Variants in FAM184A observed in about 807,000 individuals in gnomAD.
FAM184A encodes the protein family with sequence similarity 184 member A, also known as protein FAM184A.
In FAM184A, 99 loss-of-function variants were observed where a neutral mutation model predicts 143.8. The ratio of observed to expected loss-of-function variants is 0.69; its 90% CI spans 0.58 to 0.81. The LOEUF is 0.81. Ranked by LOEUF, FAM184A falls within the 40% of genes least tolerant of loss-of-function variation. FAM184A has a pLI of 0.00. For missense variants in FAM184A, 1,217 were observed against 1,310.5 expected (o/e 0.93, Z 1.10); for synonymous variants, 427 against 446.4 (o/e 0.96, Z 0.55).
intron 5 of FAM184A, 133 bp downstream of exon 5, chr6:119,016,614 C>G: frequency 1.4e-6 from 1 of 707,740 alleles, no homozygotes. Context: ...ACCTTAAGAG[C>G]TGTAACACTC....
At chr6:119,118,062 C>T (rs1053216262) in intron 1 of FAM184A, among the ~76,000 whole-genome samples, 4 of 152,190 alleles carry the variant, frequency 2.6e-5, no homozygotes, top group Non-Finnish European at 5.9e-5. Context: ...TTCTGGATTG[C>T]TGTATATGGC....
rs981312637 is a variant in FAM184A, at chr6:119,017,280, C to T, written c.1333-336G>A. Among the ~76,000 whole-genome samples, 8 of 152,088 alleles carry T rather than the reference C, an allele frequency of 5.3e-5. No homozygotes were observed. In the East Asian group the frequency reaches 1.3e-3, roughly 26 times the overall value. On this transcript the variant is annotated intron_variant, in intron 4 of 17. Transcript: ENST00000338891. ...TTGGGAGGCCGAGGCGGGTGGATCA[C>T]GAGGTCAGGAGATCAAGACCATCCT... is the stretch of plus-strand genomic sequence containing the variant.
chr6:118,961,631 T>C (rs1212713667), intron 17 of FAM184A, 130 bp downstream of exon 17: 2 of 810,814 alleles, frequency 2.5e-6, no homozygotes, highest in East Asian at 2.5e-5. Context: ...GGGATAAATA[T>C]ACTTTGAAGA....
At chr6:119,001,679 G>A (rs1056694623) in intron 9 of FAM184A, among the ~76,000 whole-genome samples, 1 of 152,054 alleles carries the variant, frequency 6.6e-6, no homozygotes, top group African/African-American at 2.4e-5. Context: ...GAAGCGGTGG[G>A]CCACTTTACA....
chr6:119,008,839 C>T (rs2114653738), intron 6 of FAM184A, among the ~76,000 whole-genome samples: 1 of 152,330 alleles, frequency 6.6e-6, no homozygotes, highest in East Asian at 1.9e-4. Context: ...CATATTTATA[C>T]TTATCATCTT....
rs371458905 is a variant in FAM184A, at chr6:119,037,545, C to G, written c.160-12732G>C. ...AACCAATACAAACACCATCAATATT[C>G]TTGAATGAGATGGCAACACCAAAAC... On this transcript the variant is annotated intron_variant, in intron 1 of 17. Coordinates refer to ENST00000338891, the MANE Select transcript of FAM184A (RefSeq NM_024581.6). 1.2e-4 allele frequency among the ~76,000 whole-genome samples: 18 copies of G among 152,214 alleles called. No individual in the cohort carries two copies. In the South Asian group the frequency reaches 1.5e-3, roughly 12 times the overall value.
intron 1 of FAM184A, among the ~76,000 whole-genome samples, chr6:119,122,035 C>T (rs1461175318): frequency 6.6e-6 from 1 of 152,194 alleles, no homozygotes; most frequent in African/African-American, 2.4e-5. Context: ...TCCCAAAGTG[C>T]TGGGATTACA....
intron 9 of FAM184A, among the ~76,000 whole-genome samples, chr6:118,985,920 A>G (rs1183065853): frequency 6.6e-6 from 1 of 152,214 alleles, no homozygotes; most frequent in African/African-American, 2.4e-5. Context: ...AAATGTTTAA[A>G]GGTGCTCAAA....
chr6:118,999,770 C>T (rs1183032344), intron 9 of FAM184A, among the ~76,000 whole-genome samples: 1 of 152,152 alleles, frequency 6.6e-6, no homozygotes, highest in Admixed American at 6.5e-5. Context: ...ATGCAACTAC[C>T]ACAGGAGACT....
chr6:119,028,516 G>C (rs914994628), intron 1 of FAM184A, among the ~76,000 whole-genome samples: 14 of 152,094 alleles, frequency 9.2e-5, no homozygotes, highest in African/African-American at 3.1e-4. Context: ...AATCAACCAT[G>C]CCTACACAGC....
At chr6:119,074,353 C>CA (rs1168058598) in intron 1 of FAM184A, among the ~76,000 whole-genome samples, 17 of 152,162 alleles carry the variant, frequency 1.1e-4, no homozygotes, top group African/African-American at 4.1e-4. Context: ...TTGCAAGAGA[C>CA]AGAGCAAGAG....
Position 119,011,367 on chromosome 6 carries a change from T to G in FAM184A, c.1595A>C (p.Gln532Pro), listed in dbSNP as rs776784092. ...NLEEDKNQLQ[Q>P]ELENLKEVLE... ...TACTTCCTTTAGGTTTTCTAGCTCT[T>G]GTTGAAGCTGATTTTTATCCTCTTC... Residue 532 changes from glutamine (Q) to proline (P), a missense_variant, in exon 6 of 18, where the codon CAA becomes CCA. Coordinates refer to ENST00000338891, the MANE Select transcript of FAM184A (RefSeq NM_024581.6). The G allele has an allele frequency of 6.3e-7, 1 of 1,597,488 alleles. No individual in the cohort carries two copies. The highest frequency in any genetic ancestry group is 8.5e-7 in the Non-Finnish European group (1 of 1,170,744).
At chr6:118,985,400 C>A (rs1582467051) in intron 9 of FAM184A, among the ~76,000 whole-genome samples, 1 of 152,316 alleles carries the variant, frequency 6.6e-6, no homozygotes, top group East Asian at 1.9e-4. Context: ...ACACACTCAA[C>A]TTTATATATC....
chr6:119,129,045 C>G (rs1332089138), intron 1 of FAM184A, among the ~76,000 whole-genome samples: 3 of 152,204 alleles, frequency 2.0e-5, no homozygotes, highest in Admixed American at 1.3e-4. Flanking sequence ...TTAAACTCTT[C>G]AGGCAAAACT....
At chr6:119,093,738 G>A (rs567793853) in intron 1 of FAM184A, among the ~76,000 whole-genome samples, 1 of 152,242 alleles carries the variant, frequency 6.6e-6, no homozygotes, top group South Asian at 2.1e-4. Context: ...GCAGGAGACT[G>A]GTTTCTGTAA....
At chr6:119,069,726 A>T (rs1787611207) in intron 1 of FAM184A, among the ~76,000 whole-genome samples, 1 of 152,190 alleles carries the variant, frequency 6.6e-6, no homozygotes, top group Non-Finnish European at 1.5e-5. Context: ...GAAGAACTCC[A>T]GTGTGATATA....
intron 1 of FAM184A, among the ~76,000 whole-genome samples, chr6:119,107,290 GA>G (rs966107327): frequency 2.7e-4 from 41 of 151,418 alleles, no homozygotes; most frequent in African/African-American, 9.7e-4. Context: ...ATGTTATTCT[GA>G]AAAAAAAGAC....
At chr6:119,122,924 GAAAAAAAAAAAAAAAAAAAAAAA>G (rs766414096) in intron 1 of FAM184A, among the ~76,000 whole-genome samples, 1,593 of 29,000 alleles carry the variant, frequency 0.055, 102 homozygotes, top group African/African-American at 0.2. Context: ...GACCCTGTCT[GAAAAAAAAAAAAAAAAAAAAAAA>G]AAAAAAAAAA....
Position 119,134,234 on chromosome 6 carries a change from CT to C in FAM184A, c.-202+14843del, listed in dbSNP as rs1029977718. Among the ~76,000 whole-genome samples, 11 of 152,118 alleles carry C rather than the reference CT, an allele frequency of 7.2e-5. No homozygotes were observed. In the East Asian group the frequency reaches 9.7e-4, roughly 13 times the overall value. ...CAAAAATGGGGAAAACACAGGAACT[CT>C]TAAAAAAGGGGAATACAAATAGTCT... is the stretch of plus-strand genomic sequence containing the variant. On this transcript the variant is annotated intron_variant, in intron 1 of 16. Transcript: ENST00000352896.
Sources: allele counts gnomAD v4.1 joint callset (sites outside exome capture counted in the v4.1 genomes callset), GRCh38; gene constraint gnomAD v4.1.1; transcripts MANE v1.5; gene names NCBI Gene and HGNC (gene_info 2026-07-23, HGNC 2026-07-21).